Variants in ATF7IP observed in about 807,000 individuals in gnomAD.
ATF7IP encodes the protein activating transcription factor 7-interacting protein 1.
In ATF7IP, 23 loss-of-function variants were observed where a neutral mutation model predicts 106.4. The ratio of observed to expected loss-of-function variants is 0.22; its 90% confidence interval spans 0.16 to 0.31. ATF7IP has a LOEUF of 0.31. Among genes scored for constraint, ATF7IP ranks in the 10% least tolerant of loss-of-function variants. ATF7IP has a pLI of 1.00. For synonymous variants in ATF7IP, 542 were observed against 539.0 expected (o/e 1.01, Z -0.08); for missense variants, 1,334 against 1,524.3 (o/e 0.88, Z 2.08).
chr12:14,390,929 C>G (rs1939512559), intron 1 of ATF7IP, among the ~76,000 whole-genome samples: 1 of 152,192 alleles, frequency 6.6e-6, no homozygotes, highest in South Asian at 2.1e-4. Flanking sequence ...ATTGGTAACT[C>G]TAAGGAAGTG....
At chr12:14,389,240 C>T (rs1015869458) in intron 1 of ATF7IP, among the ~76,000 whole-genome samples, 2 of 152,124 alleles carry the variant, frequency 1.3e-5, no homozygotes, top group Non-Finnish European at 2.9e-5. Flanking sequence ...ACATCATATC[C>T]ACTTAGTAAT....
chr12:14,454,737 T>C (rs1479768977), intron 6 of ATF7IP, among the ~76,000 whole-genome samples: 1 of 152,204 alleles, frequency 6.6e-6, no homozygotes, highest in Admixed American at 6.5e-5. Context: ...CTTCCTGTTC[T>C]GACATGTTGC....
intron 13 of ATF7IP, among the ~76,000 whole-genome samples, chr12:14,488,854 T>C (rs1322602270): frequency 1.3e-5 from 2 of 152,230 alleles, no homozygotes; most frequent in Non-Finnish European, 2.9e-5. Context: ...ATAAATCTTA[T>C]GTCACATGAT....
chr12:14,410,667 G>T (rs1328421804), intron 1 of ATF7IP, among the ~76,000 whole-genome samples: 1 of 152,062 alleles, frequency 6.6e-6, no homozygotes, highest in African/African-American at 2.4e-5. Context: ...TCTGTGAAAC[G>T]AACAGTATAT....
intron 1 of ATF7IP, among the ~76,000 whole-genome samples, chr12:14,381,574 C>T (rs1038355316): frequency 6.6e-6 from 1 of 152,010 alleles, no homozygotes; most frequent in Non-Finnish European, 1.5e-5. Context: ...GTAGCTGTTA[C>T]CTCTTATTTC....
chr12:14,494,839 A>G (rs896337437), intron 13 of ATF7IP, among the ~76,000 whole-genome samples: 5 of 150,050 alleles, frequency 3.3e-5, no homozygotes, highest in African/African-American at 1.2e-4. Flanking sequence ...AGGCTGAGGC[A>G]GGAGAATCTC....
intron 1 of ATF7IP, among the ~76,000 whole-genome samples, chr12:14,392,552 T>C (rs1939618120): frequency 6.6e-6 from 1 of 152,228 alleles, no homozygotes; most frequent in Non-Finnish European, 1.5e-5. Context: ...CCAGGTACTG[T>C]TTGATGCTTG....
At chr12:14,378,566 AT>A (rs2136406211) in intron 1 of ATF7IP, among the ~76,000 whole-genome samples, 1 of 152,354 alleles carries the variant, frequency 6.6e-6, no homozygotes, top group East Asian at 1.9e-4. Context: ...TTAGAGATAG[AT>A]TGAGATGAAA....
chr12:14,373,968 A>G (rs1938626423), intron 1 of ATF7IP, among the ~76,000 whole-genome samples: 1 of 152,136 alleles, frequency 6.6e-6, no homozygotes, highest in African/African-American at 2.4e-5. Flanking sequence ...GCTTAATTCA[A>G]AAGGACTGTA....
At chr12:14,402,462 T>C (rs542366682) in intron 1 of ATF7IP, among the ~76,000 whole-genome samples, 1 of 152,198 alleles carries the variant, frequency 6.6e-6, no homozygotes, top group South Asian at 2.1e-4. Context: ...TTTTTTTCTT[T>C]AGTCACCTCC....
At chr12:14,475,840 G>A (rs766917910) in intron 10 of ATF7IP, 50 bp from the exon 11 acceptor site, 18 of 1,477,382 alleles carry the variant, frequency 1.2e-5, no homozygotes, top group African/African-American at 5.6e-5. Context: ...TTTTTAACAC[G>A]TATATCTGCC....
intron 13 of ATF7IP, 47 bp downstream of exon 13, chr12:14,481,232 T>G (rs1175658916): frequency 6.3e-7 from 1 of 1,599,418 alleles, no homozygotes. Flanking sequence ...TGTAGTTCTC[T>G]TCAGCATTTA....
rs1941859464 is a variant in ATF7IP at position 14,426,633 on chromosome 12, C to A, written c.1558+1160C>A. 2.0e-5 allele frequency among the ~76,000 whole-genome samples: 3 copies of A among 148,916 alleles called. No homozygotes were observed. In the South Asian group the frequency reaches 6.4e-4, roughly 32 times the overall value. On this transcript the variant is annotated intron_variant, in intron 2 of 14. Transcript: ENST00000261168. ...CTTGAGCTCAGGAGTTCGAGACCAG[C>A]CTGGGCAACATGGTGAGACCCCGTC...
chr12:14,429,924 G>A (rs1216797352), intron 2 of ATF7IP, among the ~76,000 whole-genome samples: 1 of 152,178 alleles, frequency 6.6e-6, no homozygotes, highest in East Asian at 1.9e-4. Context: ...AATGAGTACT[G>A]TTGTCCAAGT....
intron 1 of ATF7IP, among the ~76,000 whole-genome samples, chr12:14,416,064 G>T (rs954097571): frequency 3.9e-5 from 6 of 152,058 alleles, no homozygotes; most frequent in African/African-American, 1.4e-4. Context: ...TATTTAATGG[G>T]CAGTAAGCAG....
chr12:14,433,635 A>C (rs1591849170), intron 2 of ATF7IP, among the ~76,000 whole-genome samples: 1 of 151,302 alleles, frequency 6.6e-6, no homozygotes, highest in Non-Finnish European at 1.5e-5. Flanking sequence ...GCCCCACTGC[A>C]CTCCAGCCTG....
chr12:14,385,550 A>G, intron 1 of ATF7IP: 1 of 654,654 alleles, frequency 1.5e-6, no homozygotes, highest in Non-Finnish European at 2.6e-6. Context: ...TTTATTATGG[A>G]AACAGTACAT....
At chr12:14,371,024 TTATTA>T (rs1389961802) in intron 1 of ATF7IP, among the ~76,000 whole-genome samples, 3 of 152,042 alleles carry the variant, frequency 2.0e-5, no homozygotes, top group South Asian at 4.1e-4. Flanking sequence ...TATCATTAAA[TTATTA>T]TATTTTCTGA....
chr12:14,486,452 G>A (rs553266783), intron 13 of ATF7IP, among the ~76,000 whole-genome samples: 11 of 152,252 alleles, frequency 7.2e-5, no homozygotes, highest in Middle Eastern at 6.8e-3. Flanking sequence ...TCAAGGGGAC[G>A]AGGCCTCCCC....
Sources: allele counts gnomAD v4.1 joint callset (sites outside exome capture counted in the v4.1 genomes callset), GRCh38; gene constraint gnomAD v4.1.1; transcripts MANE v1.5; gene names NCBI Gene and HGNC (gene_info 2026-07-23, HGNC 2026-07-21).